The following TRAM2 variants were observed in gnomAD, a reference collection of about 807,000 sequenced individuals.
TRAM2 encodes the protein translocation associated membrane protein 2.
TRAM2 carries 12 observed loss-of-function variants against 51.0 expected under a neutral mutation model. The ratio of observed to expected loss-of-function variants is 0.24; its 90% CI spans 0.15 to 0.38. The LOEUF (loss-of-function observed/expected upper bound fraction) is 0.38, where lower values mean the gene tolerates loss of function less well. TRAM2 is among the 10% of genes least tolerant of loss of function. The pLI is 1.00. For missense variants in TRAM2, 361 were observed against 462.0 expected, an observed-to-expected ratio of 0.78 and a Z score of 2.00; for synonymous variants, 175 against 179.4, an observed-to-expected ratio of 0.98 and a Z score of 0.20.
At chr6:52,535,660 G>T in intron 2 of TRAM2, 123 bp downstream of exon 2, 1 of 769,062 alleles carries the variant, frequency 1.3e-6, no homozygotes. Flanking sequence ...CAGTCTGGGT[G>T]ACAGAGCAGA....
intron 1 of TRAM2, among the ~76,000 whole-genome samples, chr6:52,576,521 G>A (rs976972650): frequency 3.3e-5 from 5 of 152,228 alleles, no homozygotes; most frequent in Non-Finnish European, 7.3e-5. Flanking sequence ...GCCAGGCTGG[G>A]GTTTCAGGGC....
intron 2 of TRAM2, among the ~76,000 whole-genome samples, chr6:52,520,422 G>A (rs1001874589): frequency 6.6e-6 from 1 of 152,242 alleles, no homozygotes; most frequent in Non-Finnish European, 1.5e-5. Flanking sequence ...GTCAGAAGGT[G>A]CCCGTGGGAA....
intron 2 of TRAM2, among the ~76,000 whole-genome samples, chr6:52,529,042 C>A (rs1219547497): frequency 6.6e-6 from 1 of 152,106 alleles, no homozygotes; most frequent in Non-Finnish European, 1.5e-5. Context: ...AAGTGCCCAC[C>A]ACCACGCCCG....
At chr6:52,556,160 G>A (rs1431061942) in intron 1 of TRAM2, among the ~76,000 whole-genome samples, 2 of 152,050 alleles carry the variant, frequency 1.3e-5, no homozygotes, top group Non-Finnish European at 2.9e-5. Context: ...TGTGGCTCTT[G>A]GGGGAGGGCA....
At chr6:52,548,612 G>A (rs983181996) in intron 1 of TRAM2, among the ~76,000 whole-genome samples, 2 of 152,170 alleles carry the variant, frequency 1.3e-5, no homozygotes, top group African/African-American at 2.4e-5. Context: ...TAAGCAACAC[G>A]CCCCAAGGCA....
chr6:52,565,679 T>C (rs1245387617), intron 1 of TRAM2, among the ~76,000 whole-genome samples: 1 of 152,230 alleles, frequency 6.6e-6, no homozygotes, highest in African/African-American at 2.4e-5. Context: ...CTTCATGTTA[T>C]CACATGCACT....
intron 2 of TRAM2, 96 bp downstream of exon 2, chr6:52,535,687 A>AAAAAAAAAAAATTGTACACGTCATGGGGG: frequency 2.8e-6 from 1 of 356,940 alleles, no homozygotes; most frequent in Non-Finnish European, 4.0e-6. Flanking sequence ...GTCATGGGGG[A>AAAAAAAAAAAATTGTACACGTCATGGGGG]AAAAAAAAAA....
intron 1 of TRAM2, among the ~76,000 whole-genome samples, chr6:52,563,197 C>T (rs1041138927): frequency 1.2e-4 from 19 of 152,174 alleles, no homozygotes; most frequent in Non-Finnish European, 2.8e-4. Context: ...GAAGACTGTG[C>T]AACCTTCCAT....
At chr6:52,538,671 C>G (rs1480785115) in intron 1 of TRAM2, among the ~76,000 whole-genome samples, 1 of 152,256 alleles carries the variant, frequency 6.6e-6, no homozygotes, top group Non-Finnish European at 1.5e-5. Context: ...AAACCAGACT[C>G]TTTGGGGCAT....
At chr6:52,509,742 A>T (rs553928424) in intron 4 of TRAM2, among the ~76,000 whole-genome samples, 156 bp from the exon 5 acceptor site, 1 of 152,022 alleles carries the variant, frequency 6.6e-6, no homozygotes, top group East Asian at 1.9e-4. Context: ...TCTGTGTGGG[A>T]CCCCTGGCGC....
At chr6:52,565,769 T>C (rs1767580522) in intron 1 of TRAM2, among the ~76,000 whole-genome samples, 1 of 152,244 alleles carries the variant, frequency 6.6e-6, no homozygotes, top group African/African-American at 2.4e-5. Context: ...TAGCGAGTGC[T>C]AAGTAACTTT....
intron 1 of TRAM2, among the ~76,000 whole-genome samples, chr6:52,560,348 T>C (rs913785957): frequency 1.3e-5 from 2 of 152,196 alleles, no homozygotes; most frequent in Non-Finnish European, 2.9e-5. Flanking sequence ...CAGTCTGCTG[T>C]GTATGATCTT....
intron 1 of TRAM2, among the ~76,000 whole-genome samples, chr6:52,566,099 A>G (rs1271763319): frequency 2.0e-5 from 3 of 152,244 alleles, no homozygotes; most frequent in Non-Finnish European, 2.9e-5. Flanking sequence ...ATAAGTCCAT[A>G]GGACACTTCA....
intron 2 of TRAM2, among the ~76,000 whole-genome samples, chr6:52,529,150 C>T (rs968976862): frequency 1.3e-5 from 2 of 152,164 alleles, no homozygotes; most frequent in African/African-American, 4.8e-5. Flanking sequence ...CTCGGCCTCC[C>T]GAAGTGCTGG....
intron 1 of TRAM2, among the ~76,000 whole-genome samples, chr6:52,571,588 C>T (rs1200090966): frequency 6.6e-6 from 1 of 152,184 alleles, no homozygotes; most frequent in Admixed American, 6.5e-5. Context: ...CTCCAGTACC[C>T]ACGGACTGTG....
intron 2 of TRAM2, chr6:52,523,043 T>C (rs575358378): frequency 3.2e-6 from 2 of 620,630 alleles, no homozygotes; most frequent in East Asian, 5.6e-5. Context: ...AGGGCAGGCA[T>C]CTGCCCTAGA....
At chr6:52,518,835 A>G (rs1236121497) in intron 2 of TRAM2, among the ~76,000 whole-genome samples, 1 of 152,252 alleles carries the variant, frequency 6.6e-6, no homozygotes, top group Non-Finnish European at 1.5e-5. Context: ...TGAAATTATA[A>G]AATAACTAAA....
intron 10 of TRAM2, among the ~76,000 whole-genome samples, chr6:52,504,121 C>A (rs546524940): frequency 5.9e-5 from 9 of 152,334 alleles, no homozygotes; most frequent in South Asian, 4.1e-4. Context: ...CCCTACCCCC[C>A]ACCTAGCACT....
intron 1 of TRAM2, among the ~76,000 whole-genome samples, chr6:52,557,764 C>G (rs1254968476): frequency 6.6e-6 from 1 of 152,106 alleles, no homozygotes; most frequent in Non-Finnish European, 1.5e-5. Context: ...TAAGAATGCC[C>G]TATCTTTCAC....
Sources: gnomAD v4.1 joint callset for allele counts (sites outside exome capture counted in the v4.1 genomes callset) on GRCh38, gnomAD v4.1.1 for gene constraint, MANE v1.5 for transcripts, NCBI Gene and HGNC (gene_info 2026-07-23, HGNC 2026-07-21) for gene names.